The following UNC13C variants were observed in gnomAD, a reference collection of about 807,000 sequenced individuals.
UNC13C encodes the protein unc-13 homolog C.
UNC13C carries 174 observed loss-of-function variants against 245.4 expected under a neutral mutation model. The ratio of observed to expected loss-of-function variants is 0.71; its 90% CI spans 0.63 to 0.80. UNC13C has a LOEUF of 0.80. Among genes scored for constraint, UNC13C ranks in the 30% least tolerant of loss-of-function variants. The pLI, the probability that UNC13C is intolerant of heterozygous loss-of-function variation, is 0.00. For synonymous variants in UNC13C, 992 were observed against 895.1 expected, an observed-to-expected ratio of 1.11 and a Z score of -1.93; for missense variants, 2,829 against 2,602.9, an observed-to-expected ratio of 1.09 and a Z score of -1.89.
intron 19 of UNC13C, among the ~76,000 whole-genome samples, chr15:54,450,625 C>A (rs1306159231): frequency 2.6e-5 from 4 of 152,218 alleles, no homozygotes; most frequent in Admixed American, 2.0e-4. Flanking sequence ...TGGAAAAGCA[C>A]AGTATTAGGG....
chr15:53,874,250 A>C, the UNC13C span, among the ~76,000 whole-genome samples: 1 of 152,168 alleles, frequency 6.6e-6, no homozygotes, highest in Non-Finnish European at 1.5e-5. Context: ...ACTCTGCTCC[A>C]GGTATTATAC....
the UNC13C span, among the ~76,000 whole-genome samples, chr15:53,922,349 A>G: frequency 6.6e-6 from 1 of 152,230 alleles, no homozygotes. Context: ...TAGTTTTTGA[A>G]ATCCAACACA....
At chr15:54,450,962 G>T (rs958024113) in intron 19 of UNC13C, among the ~76,000 whole-genome samples, 3 of 152,080 alleles carry the variant, frequency 2.0e-5, no homozygotes, top group African/African-American at 4.8e-5. Context: ...GTCAGGGAAA[G>T]ACTTTATTTT....
At position 54,084,401 on chromosome 15, in the gene UNC13C, G is replaced by A. The variant is rs572156530; in HGVS notation, c.2984-58617G>A. Among the ~76,000 whole-genome samples, 4 of 152,272 alleles carry A rather than the reference G, an allele frequency of 2.6e-5. No homozygotes were observed. In the East Asian group the frequency reaches 7.7e-4, roughly 29 times the overall value. ...TCTTTATAACTCAGAAATAATGGTC[G>A]TGAAGACATATCTACCTTGTTTCCT... is the stretch of plus-strand genomic sequence containing the variant. On this transcript the variant is annotated intron_variant, in intron 2 of 32. Transcript: ENST00000260323.
chr15:54,614,492 G>T (rs935235672), intron 30 of UNC13C, among the ~76,000 whole-genome samples: 1 of 152,006 alleles, frequency 6.6e-6, no homozygotes, highest in African/African-American at 2.4e-5. Flanking sequence ...TAGTCAGGTA[G>T]TCAATACCAA....
intron 7 of UNC13C, among the ~76,000 whole-genome samples, chr15:54,245,131 A>G (rs1054419359): frequency 6.6e-6 from 1 of 152,188 alleles, no homozygotes; most frequent in African/African-American, 2.4e-5. Flanking sequence ...CCCCCAGTGT[A>G]GAAATCCATA....
the UNC13C span, among the ~76,000 whole-genome samples, chr15:53,858,528 C>T: frequency 1.0e-3 from 152 of 151,784 alleles, 1 homozygote; most frequent in South Asian, 6.0e-3. Flanking sequence ...TCAAGTTATT[C>T]TCCTTCCCCA....
chr15:53,890,709 T>G, the UNC13C span, among the ~76,000 whole-genome samples: 4 of 152,044 alleles, frequency 2.6e-5, no homozygotes, highest in Non-Finnish European at 4.4e-5. Context: ...TCAGTGGTGA[T>G]ATCCCTTTTA....
chr15:53,882,490 T>A, the UNC13C span, among the ~76,000 whole-genome samples: 1 of 152,198 alleles, frequency 6.6e-6, no homozygotes, highest in South Asian at 2.1e-4. Context: ...TATGTCTGAG[T>A]CATGACAGGG....
chr15:54,260,883 T>C (rs935846279), intron 8 of UNC13C, among the ~76,000 whole-genome samples: 1 of 151,790 alleles, frequency 6.6e-6, no homozygotes, highest in African/African-American at 2.4e-5. Context: ...AATTGCCATA[T>C]AAAGATGGTA....
At chr15:54,365,022 A>G (rs899446155) in intron 17 of UNC13C, among the ~76,000 whole-genome samples, 1 of 152,190 alleles carries the variant, frequency 6.6e-6, no homozygotes, top group African/African-American at 2.4e-5. Flanking sequence ...AAGATGGCAC[A>G]GCTCAACTGC....
chr15:54,393,004 C>G, intron 17 of UNC13C, 44 bp from the exon 18 acceptor site: 1 of 1,467,522 alleles, frequency 6.8e-7, no homozygotes, highest in Non-Finnish European at 9.0e-7. Flanking sequence ...TAAAGTCATC[C>G]CATTTAACCT....
chr15:54,073,416 C>T (rs1898428668), intron 2 of UNC13C, among the ~76,000 whole-genome samples: 1 of 152,090 alleles, frequency 6.6e-6, no homozygotes, highest in Non-Finnish European at 1.5e-5. Flanking sequence ...ATTGCTGGGT[C>T]CAATGGTATT....
intron 4 of UNC13C, among the ~76,000 whole-genome samples, chr15:54,186,870 A>G (rs1595971019): frequency 1.6e-5 from 2 of 122,006 alleles, no homozygotes; most frequent in South Asian, 2.4e-4. Flanking sequence ...GTTTTTTGAG[A>G]CAGAGTCTTG....
chr15:54,233,744 C>T (rs767387037), intron 4 of UNC13C, among the ~76,000 whole-genome samples: 9 of 152,198 alleles, frequency 5.9e-5, no homozygotes, highest in East Asian at 3.9e-4. Context: ...TCTCTGCTGA[C>T]GGAAAACTGG....
chr15:54,443,039 T>C (rs1890616340), intron 19 of UNC13C, among the ~76,000 whole-genome samples: 1 of 152,284 alleles, frequency 6.6e-6, no homozygotes, highest in South Asian at 2.1e-4. Context: ...TGAAGTCATC[T>C]GGTTATGGGC....
chr15:53,968,423 G>A, the UNC13C span, among the ~76,000 whole-genome samples: 7,127 of 152,178 alleles, frequency 0.047, 271 homozygotes, highest in African/African-American at 0.1. Flanking sequence ...AATATAGAAT[G>A]TATCAAACAC....
chr15:54,415,108 G>A (rs1163856901), intron 19 of UNC13C, 41 bp downstream of exon 19: 3 of 1,397,372 alleles, frequency 2.1e-6, no homozygotes, highest in Admixed American at 3.7e-5. Flanking sequence ...ACATGTTAGA[G>A]TTAAATGGTG....
the UNC13C span, among the ~76,000 whole-genome samples, chr15:53,961,802 G>A: frequency 6.6e-6 from 1 of 152,154 alleles, no homozygotes; most frequent in Admixed American, 6.5e-5. Context: ...ATACAAATAT[G>A]TACAGTAGCA....
Sources: allele counts gnomAD v4.1 joint callset (sites outside exome capture counted in the v4.1 genomes callset), GRCh38; gene constraint gnomAD v4.1.1; transcripts MANE v1.5; gene names NCBI Gene and HGNC (gene_info 2026-07-23, HGNC 2026-07-21).